The following STIL variants were observed in gnomAD, a reference collection of about 807,000 sequenced individuals.
The protein encoded by STIL is STIL centriolar assembly protein, also known as SCL-interrupting locus protein.
A neutral mutation model predicts 110.1 loss-of-function variants in STIL; 55 were observed. The ratio of observed to expected loss-of-function variants is 0.50; its 90% CI spans 0.40 to 0.63. The LOEUF (loss-of-function observed/expected upper bound fraction) is 0.63. Ranked by LOEUF, STIL falls within the 20% of genes least tolerant of loss-of-function variation. The pLI is 0.00. For synonymous variants in STIL, 481 were observed against 530.0 expected (o/e 0.91, Z 1.27); for missense variants, 1,358 against 1,530.0 (o/e 0.89, Z 1.87).
At chr1:47,305,423 C>T (rs1315189735) in intron 2 of STIL, 2 of 162,586 alleles carry the variant, frequency 1.2e-5, no homozygotes, top group African/African-American at 4.9e-5. Context: ...CTGTGCCTGG[C>T]CAAAAAATAC....
intron 14 of STIL, among the ~76,000 whole-genome samples, chr1:47,268,876 G>A (rs1029000931): frequency 6.6e-6 from 1 of 151,928 alleles, no homozygotes; most frequent in Non-Finnish European, 1.5e-5. Flanking sequence ...GGCAGATCAC[G>A]AGGTCAGGAG....
chr1:47,270,746 C>T (rs1168245955), intron 13 of STIL, among the ~76,000 whole-genome samples: 9 of 145,710 alleles, frequency 6.2e-5, no homozygotes, highest in Middle Eastern at 6.6e-3. Context: ...GACACAATCA[C>T]AGCTCACTGC....
At chr1:47,292,204 T>G (rs1454947553) in intron 8 of STIL, among the ~76,000 whole-genome samples, 1 of 151,988 alleles carries the variant, frequency 6.6e-6, no homozygotes, top group Non-Finnish European at 1.5e-5. Flanking sequence ...TGATCCCCAG[T>G]ACTGTGAACA....
chr1:47,310,428 A>AT, intron 1 of STIL, 66 bp from the exon 2 acceptor site: 1 of 1,013,784 alleles, frequency 9.9e-7, no homozygotes, highest in Non-Finnish European at 1.5e-6. Flanking sequence ...TGATTTAACC[A>AT]CATATTAAAA....
chr1:47,300,932 A>G (rs9436412), intron 5 of STIL, among the ~76,000 whole-genome samples: 148,736 of 152,340 alleles, frequency 0.98, 72,708 homozygotes, highest in Non-Finnish European at 1. Context: ...ACATCCCTCT[A>G]TAATACACAC....
chr1:47,313,763 T>C (rs1301964954), intron 1 of STIL, among the ~76,000 whole-genome samples: 1 of 152,188 alleles, frequency 6.6e-6, no homozygotes, highest in Admixed American at 6.5e-5. Flanking sequence ...AGAGCGAGCA[T>C]TCAAGGTTTC....
chr1:47,296,358 C>T (rs907185314), intron 6 of STIL, among the ~76,000 whole-genome samples: 10 of 151,976 alleles, frequency 6.6e-5, no homozygotes, highest in Non-Finnish European at 1.3e-4. Flanking sequence ...ACTTTGGAAC[C>T]ATCATAAAAC....
At chr1:47,277,724 G>C (rs1272818758) in intron 12 of STIL, among the ~76,000 whole-genome samples, 1 of 151,908 alleles carries the variant, frequency 6.6e-6, no homozygotes, top group Admixed American at 6.6e-5. Flanking sequence ...TGAAATAATA[G>C]TAATAGTTAA....
intron 8 of STIL, among the ~76,000 whole-genome samples, chr1:47,292,970 T>C (rs1645538098): frequency 6.6e-6 from 1 of 152,158 alleles, no homozygotes; most frequent in Non-Finnish European, 1.5e-5. Context: ...ATTAAATGAG[T>C]TGAGGTTAAA....
chr1:47,255,221 C>A (rs896597819), intron 16 of STIL, among the ~76,000 whole-genome samples: 21 of 152,118 alleles, frequency 1.4e-4, no homozygotes, highest in South Asian at 2.1e-4. Context: ...CTAATCAAAT[C>A]CTAAAAGCCT....
At chr1:47,278,090 G>A (rs2148942035) in intron 12 of STIL, among the ~76,000 whole-genome samples, 1 of 152,240 alleles carries the variant, frequency 6.6e-6, no homozygotes, top group Admixed American at 6.5e-5. Flanking sequence ...CATTTAAAAT[G>A]TTTATTCCAT....
chr1:47,262,886 G>T lies in STIL; in HGVS notation c.2829+17C>A. The T allele has an allele frequency of 1.2e-6, 2 of 1,609,694 alleles. No homozygotes were observed. The highest frequency in any genetic ancestry group is 1.7e-6 in the Non-Finnish European group (2 of 1,176,072). ...AATAACCTTCTCAAAAAGATGAAATGCTCTACATTTTCTTACCAATAAATC... is the reference window on the plus strand; with the variant it reads ...AATAACCTTCTCAAAAAGATGAAATTCTCTACATTTTCTTACCAATAAATC... On this transcript the variant is annotated intron_variant, in intron 15 of 16. Transcript: ENST00000371877.
In STIL at chr1:47,310,291, G is replaced by T; in HGVS notation, c.29C>A (p.Pro10His). 6.2e-7 allele frequency: 1 copy of T among 1,612,838 alleles called. No individual in the cohort carries two copies. Among genetic ancestry groups the T allele is most frequent in the Non-Finnish European group, 8.5e-7 (1 of 1,179,534 alleles). Residue 10 changes from proline (P) to histidine (H), a missense_variant, in exon 2 of 17, where the codon CCC becomes CAC. Transcript: ENST00000371877. MEPIYPFAR[P>H]QMNTRFPSSR... ...ACTTCTATACCTGGTATTCATCTGG[G>T]GCCGTGCAAAAGGATATATAGGCTC...
intron 16 of STIL, among the ~76,000 whole-genome samples, chr1:47,259,254 G>A (rs1474757238): frequency 1.4e-5 from 2 of 147,354 alleles, no homozygotes; most frequent in African/African-American, 5.0e-5. Context: ...CCAAAGTGCT[G>A]GGATTACAGG....
chr1:47,273,058 C>T (rs570650921), intron 12 of STIL, among the ~76,000 whole-genome samples: 1 of 152,214 alleles, frequency 6.6e-6, no homozygotes, highest in African/African-American at 2.4e-5. Context: ...CCTCTGAAGA[C>T]TATATTACAA....
rs55650175 is a variant in STIL, at chr1:47,270,241, AATATAT to A, written c.2384-381_2384-376del. On this transcript the variant is annotated intron_variant, in intron 13 of 16. Transcript: ENST00000371877. ...CAACTCTGGCTCAAAAAAAAAAAAA[AATATAT>A]ATATATATACACACACACACACACA... Among the ~76,000 whole-genome samples, 87 of 118,632 alleles carry A rather than the reference AATATAT, an allele frequency of 7.3e-4. 1 individual carries two copies. Among genetic ancestry groups the A allele is most frequent in the African/African-American group, 3.0e-3 (84 of 27,730 alleles). 77.8% of individuals were successfully genotyped at this position (118,632 alleles called of 152,430 possible).
intron 16 of STIL, among the ~76,000 whole-genome samples, chr1:47,257,813 T>C (rs747062847): frequency 6.6e-6 from 1 of 152,250 alleles, no homozygotes; most frequent in Admixed American, 6.5e-5. Flanking sequence ...GTAAACTCTA[T>C]GAGAACAAAG....
chr1:47,299,804 C>G, intron 6 of STIL, 101 bp downstream of exon 6: 1 of 1,240,150 alleles, frequency 8.1e-7, no homozygotes, highest in Non-Finnish European at 1.1e-6. Context: ...GCCACCATAT[C>G]TCTGGCATAT....
At chr1:47,296,011 A>T (rs1645632312) in intron 6 of STIL, among the ~76,000 whole-genome samples, 163 bp from the exon 7 acceptor site, 1 of 152,232 alleles carries the variant, frequency 6.6e-6, no homozygotes, top group African/African-American at 2.4e-5. Context: ...CTCAGTAAAA[A>T]GACTCTGGTA....
Sources: gnomAD v4.1 joint callset for allele counts (sites outside exome capture counted in the v4.1 genomes callset) on GRCh38, gnomAD v4.1.1 for gene constraint, MANE v1.5 for transcripts, NCBI Gene and HGNC (gene_info 2026-07-23, HGNC 2026-07-21) for gene names.